EGFLAM: variants seen among roughly 807,000 people sequenced by gnomAD.
EGFLAM encodes pikachurin.
Under a neutral mutation model 113.1 loss-of-function variants are expected in EGFLAM, and 79 were observed. That is an observed-to-expected ratio of 0.70 (90% CI 0.58 to 0.84). The LOEUF is 0.84. Ranked by LOEUF, EGFLAM falls within the 40% of genes least tolerant of loss-of-function variation. The probability of loss-of-function intolerance (pLI) is 0.00; values close to 1 mark genes in which losing one functional copy is unlikely to be tolerated. For missense variants in EGFLAM, 1,265 were observed against 1,291.6 expected (o/e 0.98, Z 0.32); for synonymous variants, 504 against 487.6 (o/e 1.03, Z -0.44).
At chr5:38,404,010 C>T (rs915188260) in intron 6 of EGFLAM, 1 of 1,586,688 alleles carries the variant, frequency 6.3e-7, no homozygotes, top group Non-Finnish European at 8.6e-7. Flanking sequence ...ATCCCACCTC[C>T]ACCAAGAAGT....
intron 1 of EGFLAM, among the ~76,000 whole-genome samples, chr5:38,261,792 G>A (rs192595672): frequency 2.2e-3 from 330 of 152,300 alleles, no homozygotes; most frequent in African/African-American, 7.6e-3. Flanking sequence ...ACTGTCTACT[G>A]GCCTCATTTA....
chr5:38,426,363 C>T (rs977710110), intron 13 of EGFLAM, among the ~76,000 whole-genome samples: 4 of 151,938 alleles, frequency 2.6e-5, no homozygotes, highest in Non-Finnish European at 5.9e-5. Context: ...TGGAGGGTTC[C>T]AAAAGTGATT....
chr5:38,435,382 T>A, intron 16 of EGFLAM, 129 bp downstream of exon 16: 1 of 736,090 alleles, frequency 1.4e-6, no homozygotes, highest in East Asian at 2.6e-5. Flanking sequence ...TTTTTAAAAA[T>A]TTCTATTTTA....
chr5:38,317,515 C>A (rs1738633377), intron 1 of EGFLAM, among the ~76,000 whole-genome samples: 1 of 152,164 alleles, frequency 6.6e-6, no homozygotes, highest in African/African-American at 2.4e-5. Context: ...GAATGCCAAG[C>A]TTAGAGATGG....
chr5:38,313,814 C>T (rs186148136), intron 1 of EGFLAM, among the ~76,000 whole-genome samples: 1 of 152,018 alleles, frequency 6.6e-6, no homozygotes, highest in African/African-American at 2.4e-5. Flanking sequence ...TTTCTAATAA[C>T]TTGTCTATGT....
chr5:38,338,915 A>C (rs1739263407), intron 3 of EGFLAM, 134 bp downstream of exon 3: 2 of 750,190 alleles, frequency 2.7e-6, no homozygotes, highest in Non-Finnish European at 4.4e-6. Context: ...AGGATTTCCA[A>C]ATGTCATTCA....
At chr5:38,312,540 A>C (rs2932112) in intron 1 of EGFLAM, among the ~76,000 whole-genome samples, 63,314 of 151,748 alleles carry the variant, frequency 0.42, 13,850 homozygotes, top group African/African-American at 0.56. Context: ...GCGCCTGGCC[A>C]CCTCAGATTC....
intron 14 of EGFLAM, among the ~76,000 whole-genome samples, chr5:38,430,727 T>A (rs1300469473): frequency 2.6e-5 from 4 of 152,174 alleles, no homozygotes; most frequent in Non-Finnish European, 5.9e-5. Flanking sequence ...GCCTGCCATC[T>A]GCAAGCTGGC....
At chr5:38,422,740 G>T (rs1241082843) in intron 12 of EGFLAM, among the ~76,000 whole-genome samples, 3 of 152,182 alleles carry the variant, frequency 2.0e-5, no homozygotes, top group Non-Finnish European at 2.9e-5. Flanking sequence ...TAAATGGAAG[G>T]TGACAACAGC....
At chr5:38,264,456 G>T (rs116564831) in intron 1 of EGFLAM, among the ~76,000 whole-genome samples, 8 of 152,174 alleles carry the variant, frequency 5.3e-5, no homozygotes, top group Non-Finnish European at 1.0e-4. Flanking sequence ...TAGCTTGTGG[G>T]CAATACATCT....
intron 1 of EGFLAM, among the ~76,000 whole-genome samples, chr5:38,263,700 T>A (rs1757560624): frequency 6.6e-6 from 1 of 152,226 alleles, no homozygotes; most frequent in South Asian, 2.1e-4. Flanking sequence ...TTTTGAAAGC[T>A]TAACCCGTGG....
rs765757635 is a variant in EGFLAM, at chr5:38,258,741, G to T, written c.-14G>T. 4 of 1,602,174 alleles carry T rather than the reference G, an allele frequency of 2.5e-6. No individual in the cohort carries two copies. Among genetic ancestry groups the T allele is most frequent in the Middle Eastern group, 1.7e-4 (1 of 6,040 alleles). On this transcript the variant is annotated 5_prime_UTR_variant, in exon 1 of 22. Transcript: ENST00000322350. ...CCCGGGACTTGGTGAAACTTTGCAG[G>T]CGCCGGCTGCGAAATGGATTTAATC...
Position 38,258,609 on chromosome 5 carries a change from G to T in EGFLAM, c.-146G>T. The T allele has an allele frequency of 2.3e-6, 2 of 881,904 alleles. No individual in the cohort carries two copies. Among genetic ancestry groups the T allele is most frequent in the South Asian group, 1.5e-5 (1 of 65,818 alleles). The allele number at this position is 881,904 out of a possible 1,614,324, so 54.6% of individuals were successfully genotyped here. A position where few individuals can be genotyped will look rare whatever the true frequency, so the allele number is the denominator to read the frequency against. On this transcript the variant is annotated 5_prime_UTR_variant, in exon 1 of 22. Coordinates refer to ENST00000322350, the MANE Select transcript of EGFLAM (RefSeq NM_152403.4). ...GCAGTCCTACCTCTTGGAACTACCC[G>T]TGTTTCCGGGCCCAGCCCTCGCAGC...
intron 1 of EGFLAM, among the ~76,000 whole-genome samples, chr5:38,291,139 T>C (rs907375833): frequency 2.0e-5 from 3 of 152,216 alleles, no homozygotes; most frequent in Non-Finnish European, 4.4e-5. Context: ...ACACTCACTC[T>C]GTGGTGTCTC....
chr5:38,342,335 G>T (rs1333030647), intron 3 of EGFLAM, among the ~76,000 whole-genome samples: 2 of 152,190 alleles, frequency 1.3e-5, no homozygotes, highest in African/African-American at 4.8e-5. Flanking sequence ...CCTCTGTGGA[G>T]GTAGCTCCCC....
At chr5:38,290,210 C>G (rs936186306) in intron 1 of EGFLAM, among the ~76,000 whole-genome samples, 1 of 152,166 alleles carries the variant, frequency 6.6e-6, no homozygotes, top group African/African-American at 2.4e-5. Flanking sequence ...CAGCTGCAGA[C>G]CCTCTGAGAG....
intron 3 of EGFLAM, chr5:38,346,530 A>G (rs1739475601): frequency 6.6e-6 from 1 of 152,238 alleles, no homozygotes; most frequent in South Asian, 2.1e-4. Flanking sequence ...AAAGCTATAC[A>G]TAGCCTTCTT....
chr5:38,383,422 T>C (rs1328714271), intron 6 of EGFLAM, among the ~76,000 whole-genome samples: 1 of 151,526 alleles, frequency 6.6e-6, no homozygotes, highest in African/African-American at 2.4e-5. Flanking sequence ...GCCTTTTTTT[T>C]TTTTTTTAAC....
chr5:38,273,056 A>C (rs1413137465), intron 1 of EGFLAM, among the ~76,000 whole-genome samples: 8 of 151,978 alleles, frequency 5.3e-5, no homozygotes, highest in Non-Finnish European at 8.8e-5. Flanking sequence ...CAGGTTAGAG[A>C]CCACTGTATC....
Sources: allele counts gnomAD v4.1 joint callset (sites outside exome capture counted in the v4.1 genomes callset), GRCh38; gene constraint gnomAD v4.1.1; transcripts MANE v1.5; gene names NCBI Gene and HGNC (gene_info 2026-07-23, HGNC 2026-07-21).